CYP19A1: variants seen among roughly 807,000 people sequenced by gnomAD.
The protein encoded by CYP19A1 is aromatase.
In CYP19A1, 32 loss-of-function variants were observed where a neutral mutation model predicts 44.4. The observed-to-expected ratio is 0.72, with a 90% CI of 0.54 to 0.97. The LOEUF is 0.97. Among genes scored for constraint, CYP19A1 ranks in the 50% least tolerant of loss-of-function variants. CYP19A1 has a pLI of 0.00. For missense variants in CYP19A1, 598 were observed against 637.8 expected (o/e 0.94, Z 0.67); for synonymous variants, 212 against 215.6 (o/e 0.98, Z 0.14).
rs771153440 is a variant in CYP19A1 at position 51,210,966 on chromosome 15, C to T, written c.1354G>A (p.Val452Ile). Residue 452 changes from valine (V) to isoleucine (I), a missense_variant, in exon 10 of 10, where the codon GTT (valine) becomes ATT (isoleucine). Physicochemically the swap from Val to Ile is conservative, Grantham distance 29. Transcript: ENST00000396402. ...ACGTGGAATCGTCTCAGAAGTGTAA[C>T]GAGGATGGCTTTCATCATCACCATG... is the stretch of plus-strand genomic sequence containing the variant. ...IAMVMMKAIL[V>I]TLLRRFHVKT... 24 of 1,607,192 alleles carry T rather than the reference C, an allele frequency of 1.5e-5. No homozygotes were observed. Among genetic ancestry groups the T allele is most frequent in the Admixed American group, 1.0e-4 (6 of 59,974 alleles).
intron 1 of CYP19A1, among the ~76,000 whole-genome samples, chr15:51,268,869 C>G (rs761311121): frequency 6.6e-6 from 1 of 152,108 alleles, no homozygotes; most frequent in Admixed American, 6.5e-5. Context: ...TATGAAGCAT[C>G]TGGCCAAATC....
intron 1 of CYP19A1, among the ~76,000 whole-genome samples, chr15:51,249,399 C>A (rs549867992): frequency 6.6e-6 from 1 of 152,214 alleles, no homozygotes; most frequent in Non-Finnish European, 1.5e-5. Flanking sequence ...CCTGCTTCTT[C>A]TTCTCCTTGC....
intron 1 of CYP19A1, among the ~76,000 whole-genome samples, chr15:51,333,193 G>T (rs1388505569): frequency 6.6e-6 from 1 of 152,140 alleles, no homozygotes; most frequent in Admixed American, 6.5e-5. Context: ...GCATTGCTGT[G>T]CCCCCTAAGT....
At chr15:51,246,098 C>T (rs2034040487) in intron 1 of CYP19A1, among the ~76,000 whole-genome samples, 1 of 152,230 alleles carries the variant, frequency 6.6e-6, no homozygotes, top group South Asian at 2.1e-4. Context: ...TTGAGATTCT[C>T]TCCTGAATGC....
chr15:51,299,361 G>T (rs1002151098), intron 1 of CYP19A1, among the ~76,000 whole-genome samples: 3 of 152,222 alleles, frequency 2.0e-5, no homozygotes, highest in African/African-American at 7.2e-5. Flanking sequence ...AAGGTGAAAG[G>T]CTCTGTCACC....
intron 5 of CYP19A1, among the ~76,000 whole-genome samples, chr15:51,221,044 G>A (rs1184611040): frequency 6.6e-6 from 1 of 151,296 alleles, no homozygotes; most frequent in African/African-American, 2.4e-5. Flanking sequence ...TCACTACTAG[G>A]GTTACAAAAT....
chr15:51,294,036 A>G, intron 1 of CYP19A1: 1 of 174,572 alleles, frequency 5.7e-6, no homozygotes, highest in Non-Finnish European at 1.1e-5. Context: ...GGATGTGAGG[A>G]GCCCCTCTGC....
intron 1 of CYP19A1, among the ~76,000 whole-genome samples, chr15:51,267,112 T>C (rs1451588285): frequency 6.6e-6 from 1 of 152,198 alleles, no homozygotes; most frequent in African/African-American, 2.4e-5. Context: ...CTGCTTTTCA[T>C]GACAAAGATT....
chr15:51,274,515 C>T (rs557924569), intron 1 of CYP19A1, among the ~76,000 whole-genome samples: 3 of 152,156 alleles, frequency 2.0e-5, no homozygotes, highest in Non-Finnish European at 4.4e-5. Flanking sequence ...ATGGTCATGC[C>T]AAATGCAAGG....
intron 1 of CYP19A1, among the ~76,000 whole-genome samples, chr15:51,291,061 C>T (rs764009618): frequency 1.3e-5 from 2 of 152,174 alleles, no homozygotes; most frequent in African/African-American, 2.4e-5. Context: ...TCACTGAGGT[C>T]CCAGCATGCC....
chr15:51,251,019 C>G (rs2034285457), intron 1 of CYP19A1, among the ~76,000 whole-genome samples: 1 of 152,196 alleles, frequency 6.6e-6, no homozygotes, highest in Non-Finnish European at 1.5e-5. Flanking sequence ...CAAGAACAGG[C>G]TTTGGGGCCA....
At chr15:51,243,616 GGTAGT>G (rs1365955595) in intron 1 of CYP19A1, among the ~76,000 whole-genome samples, 1 of 152,050 alleles carries the variant, frequency 6.6e-6, no homozygotes, top group African/African-American at 2.4e-5. Flanking sequence ...ACCGGCCAAC[GGTAGT>G]GTGGAAAAAA....
chr15:51,246,935 C>T (rs933471912), intron 1 of CYP19A1, among the ~76,000 whole-genome samples: 4 of 152,112 alleles, frequency 2.6e-5, no homozygotes, highest in Non-Finnish European at 5.9e-5. Flanking sequence ...TTTTCTCTAT[C>T]CATTTCCTCA....
At chr15:51,304,971 CT>C (rs2036186973) in intron 1 of CYP19A1, among the ~76,000 whole-genome samples, 1 of 137,792 alleles carries the variant, frequency 7.3e-6, no homozygotes, top group Admixed American at 8.1e-5. Flanking sequence ...ACGATCTTGG[CT>C]TACTGGAACC....
chr15:51,218,219 G>A (rs2031752981), intron 6 of CYP19A1, among the ~76,000 whole-genome samples: 1 of 152,134 alleles, frequency 6.6e-6, no homozygotes, highest in African/African-American at 2.4e-5. Flanking sequence ...AATTTTGACA[G>A]ATATTAATGA....
In CYP19A1 at chr15:51,212,490, G is replaced by T. The variant is rs202076619; in HGVS notation, c.1093C>A (p.Arg365=). The change falls in exon 9 of 10, where the codon CGG becomes AGG. Residue 365 remains arginine (R), a synonymous_variant. Coordinates refer to ENST00000396402, the MANE Select transcript of CYP19A1 (RefSeq NM_000103.4). ...ACCAAGTCCACGACAGGCTGGTACCGCATGCTCTCATAAATGAAGTTTTCC... is the reference window on the plus strand; with the variant it reads ...ACCAAGTCCACGACAGGCTGGTACCTCATGCTCTCATAAATGAAGTTTTCC... ...VMENFIYESM[R]YQPVVDLVMR... is the part of the protein sequence containing the mutation. 1 of 1,589,976 alleles carries T rather than the reference G, an allele frequency of 6.3e-7. No individual in the cohort carries two copies. The highest frequency in any genetic ancestry group is 1.3e-5 in the African/African-American group (1 of 74,546).
intron 1 of CYP19A1, among the ~76,000 whole-genome samples, chr15:51,283,388 T>A (rs1347177081): frequency 2.0e-5 from 3 of 152,148 alleles, no homozygotes; most frequent in African/African-American, 4.8e-5. Context: ...TATACAAAAT[T>A]CTATTCAAAA....
At chr15:51,314,416 C>CA (rs1324278114) in intron 1 of CYP19A1, among the ~76,000 whole-genome samples, 3 of 152,088 alleles carry the variant, frequency 2.0e-5, no homozygotes, top group Non-Finnish European at 2.9e-5. Context: ...GTCCACAGAC[C>CA]CCCTGAGGTT....
At chr15:51,261,632 G>A (rs1365124311) in intron 1 of CYP19A1, among the ~76,000 whole-genome samples, 1 of 152,174 alleles carries the variant, frequency 6.6e-6, no homozygotes, top group Non-Finnish European at 1.5e-5. Context: ...ATAAGCACTC[G>A]TGTTGCATAC....
Sources: gnomAD v4.1 joint callset for allele counts (sites outside exome capture counted in the v4.1 genomes callset) on GRCh38, gnomAD v4.1.1 for gene constraint, MANE v1.5 for transcripts, NCBI Gene and HGNC (gene_info 2026-07-23, HGNC 2026-07-21) for gene names.